Variants in TMEM131 observed in about 807,000 individuals in gnomAD.
The protein encoded by TMEM131 is 2610524E03Rik.
A neutral mutation model predicts 211.6 loss-of-function variants in TMEM131; 66 were observed. That is an observed-to-expected ratio of 0.31 (90% CI 0.26 to 0.38). The LOEUF is 0.38. TMEM131 is among the 10% of genes least tolerant of loss of function. TMEM131 has a pLI of 1.00. For synonymous variants in TMEM131, 844 were observed against 841.3 expected, an observed-to-expected ratio of 1.00 and a Z score of -0.06; for missense variants, 2,036 against 2,299.3, an observed-to-expected ratio of 0.89 and a Z score of 2.34.
At chr2:97,766,041 A>C (rs1362484068) in intron 35 of TMEM131, 73 bp downstream of exon 35, 1 of 1,575,356 alleles carries the variant, frequency 6.3e-7, no homozygotes, top group Admixed American at 1.8e-5. Flanking sequence ...CATGCCCCTG[A>C]AGAGTTCCAT....
intron 1 of TMEM131, among the ~76,000 whole-genome samples, chr2:97,974,422 C>A (rs969537746): frequency 1.3e-5 from 2 of 151,044 alleles, no homozygotes; most frequent in Non-Finnish European, 3.0e-5. Context: ...AGGAGGAGGA[C>A]AGGAAAAATG....
At chr2:97,771,256 C>T (rs1679450054) in intron 33 of TMEM131, among the ~76,000 whole-genome samples, 1 of 152,198 alleles carries the variant, frequency 6.6e-6, no homozygotes. Flanking sequence ...CCACCATATA[C>T]TGTATTATTT....
chr2:97,917,491 C>A (rs1283680258), intron 2 of TMEM131, among the ~76,000 whole-genome samples: 1 of 152,168 alleles, frequency 6.6e-6, no homozygotes, highest in Admixed American at 6.5e-5. Context: ...CTGATGCTAA[C>A]CATCTGCATT....
At position 97,766,537 on chromosome 2, in the gene TMEM131, A is replaced by C. The variant is rs1309867482; in HGVS notation, c.4514T>G (p.Ile1505Ser). ...SKQRRNLPSK[I>S]PLPTAMTSGS... ...ACTTGTCATTGCAGTTGGAAGAGGA[A>C]TCTTGCTTGGGAGATTTCTACGTTG... The change falls in exon 34 of 41, where the codon ATT (isoleucine) becomes AGT (serine). Residue 1505 changes from isoleucine to serine, a missense_variant. By Grantham distance (142) the Ile-to-Ser change is moderately radical (BLOSUM62 -2). Transcript: ENST00000186436. 1 of 1,613,862 alleles carries C rather than the reference A, an allele frequency of 6.2e-7. No individual in the cohort carries two copies. Among genetic ancestry groups the C allele is most frequent in the Non-Finnish European group, 8.5e-7 (1 of 1,179,872 alleles).
intron 1 of TMEM131, among the ~76,000 whole-genome samples, chr2:97,944,174 T>C (rs1446248375): frequency 3.3e-5 from 5 of 152,208 alleles, no homozygotes; most frequent in South Asian, 2.1e-4. Context: ...CTCGCATTTA[T>C]GGCCAATTGA....
At chr2:97,867,810 G>A (rs1171748463) in intron 4 of TMEM131, among the ~76,000 whole-genome samples, 2 of 152,176 alleles carry the variant, frequency 1.3e-5, no homozygotes, top group Non-Finnish European at 2.9e-5. Flanking sequence ...ATAAACTGGG[G>A]TTAGAGGGAG....
At chr2:97,994,461 C>T (rs6543240) in intron 1 of TMEM131, among the ~76,000 whole-genome samples, 152,368 of 152,370 alleles carry the variant, frequency 1, 76,183 homozygotes, top group Middle Eastern at 1. Flanking sequence ...TATTTGCTTT[C>T]ACCTTCAGCA....
At chr2:97,869,385 T>A (rs747411405) in intron 4 of TMEM131, among the ~76,000 whole-genome samples, 6 of 152,166 alleles carry the variant, frequency 3.9e-5, no homozygotes, top group Non-Finnish European at 8.8e-5. Context: ...GAATGCTTGA[T>A]CTGCAATGCT....
intron 1 of TMEM131, among the ~76,000 whole-genome samples, chr2:97,978,356 A>G (rs1679637252): frequency 6.6e-6 from 1 of 152,124 alleles, no homozygotes; most frequent in African/African-American, 2.4e-5. Flanking sequence ...CACTTCATCT[A>G]TAAGAAGCAA....
intron 4 of TMEM131, among the ~76,000 whole-genome samples, chr2:97,882,845 A>G (rs1205181366): frequency 1.3e-5 from 2 of 152,234 alleles, no homozygotes; most frequent in East Asian, 3.8e-4. Flanking sequence ...CTTGCGAGAT[A>G]TAACAAACTC....
At chr2:97,911,903 G>T (rs1490109934) in intron 2 of TMEM131, among the ~76,000 whole-genome samples, 7 of 152,054 alleles carry the variant, frequency 4.6e-5, no homozygotes, top group Admixed American at 2.0e-4. Context: ...TCTGAAAATT[G>T]AGCCCCATTA....
chr2:97,911,890 A>G (rs1290319655), intron 2 of TMEM131, among the ~76,000 whole-genome samples: 1 of 152,194 alleles, frequency 6.6e-6, no homozygotes, highest in Non-Finnish European at 1.5e-5. Flanking sequence ...TCTTAAAAGT[A>G]TATCTGAAAA....
At chr2:97,758,016 C>T (rs2104744729) in intron 40 of TMEM131, among the ~76,000 whole-genome samples, 1 of 152,066 alleles carries the variant, frequency 6.6e-6, no homozygotes, top group East Asian at 1.9e-4. Context: ...CCTCTAGTCC[C>T]AGCTACTCAG....
chr2:97,979,637 T>C (rs924819751), intron 1 of TMEM131, among the ~76,000 whole-genome samples: 2 of 134,070 alleles, frequency 1.5e-5, no homozygotes, highest in African/African-American at 3.1e-5. Flanking sequence ...TTCATAGAAC[T>C]GAAGAGAAGA....
chr2:97,959,950 A>G (rs1289662347), intron 1 of TMEM131, among the ~76,000 whole-genome samples: 1 of 152,140 alleles, frequency 6.6e-6, no homozygotes, highest in Non-Finnish European at 1.5e-5. Context: ...AATATCCCAC[A>G]ATCTTGATTT....
Position 97,792,960 on chromosome 2 carries a change from G to A in TMEM131, c.3570C>T (p.Pro1190=), listed in dbSNP as rs946592239. Residue 1190 remains proline (P), a synonymous_variant, in exon 31 of 41, where the codon CCC becomes CCT. Coordinates refer to ENST00000186436, the MANE Select transcript of TMEM131 (RefSeq NM_015348.2). ...EGNLNTLSCD[P]GHSRGFCGAG... ...CTCCACAGAACCCCCTACTGTGACC[G>A]GGGTCACAGCTGAGTGTGTTCAAGC... 3.8e-6 allele frequency: 6 copies of A among 1,595,274 alleles called. No individual in the cohort carries two copies. Among genetic ancestry groups the A allele is most frequent in the East Asian group, 2.2e-5 (1 of 44,466 alleles).
intron 15 of TMEM131, 58 bp from the exon 16 acceptor site, chr2:97,812,807 T>C (rs1681614643): frequency 1.0e-6 from 1 of 972,260 alleles, no homozygotes; most frequent in African/African-American, 1.6e-5. Flanking sequence ...AACAATATTA[T>C]GAAGAGAAAG....
intron 33 of TMEM131, among the ~76,000 whole-genome samples, chr2:97,768,100 A>T (rs1679270636): frequency 6.6e-6 from 1 of 152,252 alleles, no homozygotes; most frequent in Non-Finnish European, 1.5e-5. Context: ...ACAAGTAGGT[A>T]TTATATAATA....
At chr2:97,901,356 T>C (rs1675844931) in intron 3 of TMEM131, among the ~76,000 whole-genome samples, 1 of 152,136 alleles carries the variant, frequency 6.6e-6, no homozygotes, top group East Asian at 1.9e-4. Flanking sequence ...GGGTCTTAGA[T>C]ATAAGTCTTT....
Sources: gnomAD v4.1 joint callset for allele counts (sites outside exome capture counted in the v4.1 genomes callset) on GRCh38, gnomAD v4.1.1 for gene constraint, MANE v1.5 for transcripts, NCBI Gene and HGNC (gene_info 2026-07-23, HGNC 2026-07-21) for gene names.